The following CCSER1 variants were observed in gnomAD, a reference collection of about 807,000 sequenced individuals.
The protein encoded by CCSER1 is coiled-coil serine rich protein 1.
CCSER1 carries 41 observed loss-of-function variants against 82.0 expected under a neutral mutation model. The ratio of observed to expected loss-of-function variants is 0.50; its 90% CI spans 0.39 to 0.65. CCSER1 has a LOEUF of 0.65. Among genes scored for constraint, CCSER1 ranks in the 30% least tolerant of loss-of-function variants. CCSER1 has a pLI of 0.00. For synonymous variants in CCSER1, 414 were observed against 383.9 expected (o/e 1.08, Z -0.92); for missense variants, 1,119 against 1,064.2 (o/e 1.05, Z -0.72).
intron 10 of CCSER1, among the ~76,000 whole-genome samples, chr4:91,168,259 A>C (rs13142533): frequency 1.7e-5 from 2 of 119,204 alleles, no homozygotes; most frequent in Admixed American, 8.6e-5. Context: ...GCTGCCCATC[A>C]TCTGGGAAGT....
At chr4:90,829,099 A>G (rs1760825358) in intron 8 of CCSER1, among the ~76,000 whole-genome samples, 1 of 152,164 alleles carries the variant, frequency 6.6e-6, no homozygotes, top group African/African-American at 2.4e-5. Context: ...CAAGTAGTCA[A>G]GAGAAATTAT....
At chr4:91,471,906 C>G (rs2149444659) in intron 10 of CCSER1, among the ~76,000 whole-genome samples, 1 of 144,946 alleles carries the variant, frequency 6.9e-6, no homozygotes, top group East Asian at 2.0e-4. Context: ...GGAGGCAGAG[C>G]TTGCAGTGAG....
At chr4:90,433,177 C>G (rs1397291380) in intron 4 of CCSER1, among the ~76,000 whole-genome samples, 7 of 152,112 alleles carry the variant, frequency 4.6e-5, no homozygotes, top group Admixed American at 4.6e-4. Context: ...CCAAACCAAA[C>G]TCCTGATTTT....
At position 91,439,952 on chromosome 4, in the gene CCSER1, C is replaced by A. The variant is rs527279428; in HGVS notation, c.2218-158620C>A. On this transcript the variant is annotated intron_variant, in intron 10 of 10. Transcript: ENST00000509176. ...TATATGCACCCAATACAGGAGCACC[C>A]AGATTCATAAAGCAAGTCCTGAGTG... Among the ~76,000 whole-genome samples the A allele has an allele frequency of 2.0e-5, 3 of 152,198 alleles. 1 individual carries two copies. The highest frequency in any genetic ancestry group is 2.0e-4 in the Admixed American group (3 of 15,292).
intron 5 of CCSER1, among the ~76,000 whole-genome samples, chr4:90,524,150 A>C (rs1026267686): frequency 3.9e-5 from 6 of 152,218 alleles, no homozygotes; most frequent in Non-Finnish European, 8.8e-5. Context: ...GAACTGTTTT[A>C]ATCTTTTTGT....
chr4:90,319,051 C>T (rs1218309748), intron 3 of CCSER1, among the ~76,000 whole-genome samples: 1 of 152,108 alleles, frequency 6.6e-6, no homozygotes, highest in Non-Finnish European at 1.5e-5. Flanking sequence ...TCCTGTTTCC[C>T]AGCTTTGTCT....
intron 10 of CCSER1, among the ~76,000 whole-genome samples, chr4:91,132,785 T>A (rs1429780881): frequency 1.3e-5 from 2 of 152,300 alleles, no homozygotes; most frequent in East Asian, 3.9e-4. Flanking sequence ...AACTTTCAGT[T>A]TAGAAGAAAC....
intron 10 of CCSER1, among the ~76,000 whole-genome samples, chr4:91,209,561 C>T (rs187076416): frequency 2.1e-3 from 315 of 151,956 alleles, no homozygotes; most frequent in Admixed American, 5.1e-3. Context: ...AGGGATAAAG[C>T]CTACTTGATC....
At chr4:91,445,221 C>T (rs116520864) in intron 10 of CCSER1, among the ~76,000 whole-genome samples, 2,515 of 152,048 alleles carry the variant, frequency 0.017, 50 homozygotes, top group African/African-American at 0.056. Flanking sequence ...TGTGCAAAAC[C>T]CTTTCAAGAA....
chr4:90,601,294 T>C (rs1579394544), intron 5 of CCSER1, among the ~76,000 whole-genome samples: 1 of 151,222 alleles, frequency 6.6e-6, no homozygotes, highest in East Asian at 1.9e-4. Flanking sequence ...TGTGTATGTA[T>C]GTGTGTGTGT....
At chr4:91,330,075 C>G (rs1746842759) in intron 10 of CCSER1, among the ~76,000 whole-genome samples, 1 of 151,754 alleles carries the variant, frequency 6.6e-6, no homozygotes, top group Non-Finnish European at 1.5e-5. Flanking sequence ...AATTTTTTGC[C>G]TTTACTTTTT....
chr4:90,589,025 G>A (rs762216399), intron 5 of CCSER1, among the ~76,000 whole-genome samples: 1 of 152,118 alleles, frequency 6.6e-6, no homozygotes, highest in Non-Finnish European at 1.5e-5. Flanking sequence ...TTATAATGGA[G>A]TCCCTATCCA....
chr4:90,741,304 A>AT (rs749062731), intron 7 of CCSER1, among the ~76,000 whole-genome samples: 5 of 152,278 alleles, frequency 3.3e-5, no homozygotes, highest in South Asian at 2.1e-4. Flanking sequence ...TCACTGAAAC[A>AT]TTTTTTCTGT....
intron 8 of CCSER1, among the ~76,000 whole-genome samples, chr4:90,898,068 TA>T (rs1264774795): frequency 6.6e-6 from 1 of 151,850 alleles, no homozygotes; most frequent in Non-Finnish European, 1.5e-5. Flanking sequence ...GATGTATGTT[TA>T]CTCTGTTTAT....
intron 3 of CCSER1, among the ~76,000 whole-genome samples, chr4:90,386,891 C>T (rs2153535447): frequency 6.6e-6 from 1 of 152,250 alleles, no homozygotes; most frequent in Admixed American, 6.5e-5. Flanking sequence ...CTGTTTCCTG[C>T]AACTAATATG....
At chr4:91,359,394 T>G (rs977766302) in intron 10 of CCSER1, among the ~76,000 whole-genome samples, 2 of 151,770 alleles carry the variant, frequency 1.3e-5, no homozygotes, top group African/African-American at 4.8e-5. Flanking sequence ...GTACTGAGTA[T>G]AAAGCAACGT....
At chr4:91,506,695 A>C (rs1478552010) in intron 10 of CCSER1, among the ~76,000 whole-genome samples, 1 of 152,110 alleles carries the variant, frequency 6.6e-6, no homozygotes, top group Non-Finnish European at 1.5e-5. Flanking sequence ...CATATAGTAA[A>C]CTTCATTTTT....
rs386486850 is a variant in CCSER1 at position 91,221,624 on chromosome 4, A to G, written c.2217+135630A>G. ...AATTATAATAACTTCATCAGGTCAA[A>G]CACATATAGTTCGAACTGATCTTTA... On this transcript the variant is annotated intron_variant, in intron 10 of 10. Coordinates refer to ENST00000509176, the MANE Select transcript of CCSER1 (RefSeq NM_001145065.2). Among the ~76,000 whole-genome samples the G allele has an allele frequency of 2.0e-3, 309 of 152,328 alleles. 2 individuals are homozygous for G. Among genetic ancestry groups the G allele is most frequent in the Non-Finnish European group, 2.8e-3 (192 of 68,028 alleles).
At chr4:90,558,951 TG>T (rs1235548620) in intron 5 of CCSER1, among the ~76,000 whole-genome samples, 1 of 152,124 alleles carries the variant, frequency 6.6e-6, no homozygotes, top group East Asian at 1.9e-4. Context: ...AACTACATGG[TG>T]GGTGAAGCAA....
Sources: gnomAD v4.1 joint callset for allele counts (sites outside exome capture counted in the v4.1 genomes callset) on GRCh38, gnomAD v4.1.1 for gene constraint, MANE v1.5 for transcripts, NCBI Gene and HGNC (gene_info 2026-07-23, HGNC 2026-07-21) for gene names.